LDLRAD3: variants seen among roughly 807,000 people sequenced by gnomAD.
LDLRAD3 encodes low-density lipoprotein receptor class A domain-containing protein 3.
Under a neutral mutation model 29.4 loss-of-function variants are expected in LDLRAD3, and 20 were observed. That is an observed-to-expected ratio of 0.68 (90% confidence interval 0.48 to 0.99). The LOEUF is 0.99. Among genes scored for constraint, LDLRAD3 ranks in the 50% least tolerant of loss-of-function variants. The probability of loss-of-function intolerance (pLI) is 0.00; values close to 1 mark genes in which losing one functional copy is unlikely to be tolerated. For synonymous variants in LDLRAD3, 157 were observed against 192.7 expected, an observed-to-expected ratio of 0.81 and a Z score of 1.53; for missense variants, 420 against 454.3, an observed-to-expected ratio of 0.92 and a Z score of 0.69.
chr11:35,973,292 T>G (rs1326731434), intron 1 of LDLRAD3, among the ~76,000 whole-genome samples: 1 of 152,192 alleles, frequency 6.6e-6, no homozygotes, highest in Non-Finnish European at 1.5e-5. Context: ...ATATATGCAC[T>G]ATAAATTATT....
intron 4 of LDLRAD3, among the ~76,000 whole-genome samples, chr11:36,171,661 A>G (rs903325017): frequency 1.3e-5 from 2 of 152,150 alleles, no homozygotes; most frequent in Admixed American, 1.3e-4. Context: ...TGGGTTCCCT[A>G]TTCTGTTCCA....
chr11:36,060,108 A>C (rs1169198668), intron 2 of LDLRAD3, among the ~76,000 whole-genome samples: 1 of 152,188 alleles, frequency 6.6e-6, no homozygotes, highest in African/African-American at 2.4e-5. Context: ...TAATCCCAGC[A>C]CTTTGGGAGG....
chr11:36,162,556 C>CT (rs1854458597), intron 4 of LDLRAD3, among the ~76,000 whole-genome samples: 1 of 152,196 alleles, frequency 6.6e-6, no homozygotes, highest in Non-Finnish European at 1.5e-5. Context: ...GTGCACATGA[C>CT]TGAGGGGAGG....
chr11:35,969,021 G>A lies in LDLRAD3; in HGVS notation c.46+24877G>A, dbSNP rs955667974. On this transcript the variant is annotated intron_variant, in intron 1 of 5. Transcript: ENST00000315571. Reference sequence around the variant, plus strand: ...GTGCGTACCAAGTCCCCGGCTCAGAGTCACGATTTTATACACAGGTTCCAG... The same window carrying A: ...GTGCGTACCAAGTCCCCGGCTCAGAATCACGATTTTATACACAGGTTCCAG... Among the ~76,000 whole-genome samples, 4 of 152,292 alleles carry A rather than the reference G, an allele frequency of 2.6e-5. No homozygotes were observed. In the East Asian group the frequency reaches 7.7e-4, roughly 29 times the overall value.
chr11:36,172,436 A>G (rs1340547200), intron 4 of LDLRAD3, among the ~76,000 whole-genome samples: 3 of 150,982 alleles, frequency 2.0e-5, no homozygotes. Context: ...ACTATTCCCC[A>G]TTTAGTATAA....
intron 2 of LDLRAD3, among the ~76,000 whole-genome samples, chr11:36,037,148 G>A (rs1852315029): frequency 6.6e-6 from 1 of 152,066 alleles, no homozygotes. Flanking sequence ...GTCTCACAGG[G>A]GATTGCCTTG....
At chr11:35,964,841 A>G (rs536323441) in intron 1 of LDLRAD3, among the ~76,000 whole-genome samples, 42 of 152,200 alleles carry the variant, frequency 2.8e-4, no homozygotes, top group African/African-American at 9.2e-4. Context: ...TACAAAAATT[A>G]GGTTGGACAT....
intron 5 of LDLRAD3, among the ~76,000 whole-genome samples, chr11:36,228,627 A>G (rs1464118253): frequency 6.6e-6 from 1 of 152,264 alleles, no homozygotes; most frequent in African/African-American, 2.4e-5. Flanking sequence ...AGAAGCCTTC[A>G]GTAAATGAGA....
intron 2 of LDLRAD3, among the ~76,000 whole-genome samples, chr11:36,055,701 T>A (rs1013656255): frequency 2.0e-5 from 3 of 152,214 alleles, no homozygotes; most frequent in African/African-American, 7.2e-5. Context: ...GTTAGTATAC[T>A]TTGGTGCAAA....
intron 4 of LDLRAD3, chr11:36,110,006 C>G (rs1165425887): frequency 6.6e-6 from 1 of 152,134 alleles, no homozygotes; most frequent in East Asian, 1.9e-4. Flanking sequence ...GTTTGAAAGC[C>G]CAGCTGGGCT....
intron 1 of LDLRAD3, among the ~76,000 whole-genome samples, chr11:36,011,136 C>T (rs1266775118): frequency 6.6e-6 from 1 of 152,160 alleles, no homozygotes; most frequent in Non-Finnish European, 1.5e-5. Flanking sequence ...CCATTTCTTA[C>T]TTTCTTCTGT....
chr11:36,152,982 G>T (rs948033105), intron 4 of LDLRAD3, among the ~76,000 whole-genome samples: 1 of 152,198 alleles, frequency 6.6e-6, no homozygotes, highest in Middle Eastern at 3.4e-3. Context: ...ATTGAGGCAG[G>T]GATGATTAAG....
At chr11:36,051,162 G>A (rs572885184) in intron 2 of LDLRAD3, among the ~76,000 whole-genome samples, 1 of 152,316 alleles carries the variant, frequency 6.6e-6, no homozygotes, top group African/African-American at 2.4e-5. Context: ...AGCCCTGAGG[G>A]TAAAGAAAGA....
chr11:36,105,127 T>C (rs1406737885), intron 4 of LDLRAD3, among the ~76,000 whole-genome samples: 2 of 152,020 alleles, frequency 1.3e-5, no homozygotes, highest in Non-Finnish European at 2.9e-5. Flanking sequence ...TTGAGGAGAA[T>C]TTGAAAAGCT....
intron 1 of LDLRAD3, among the ~76,000 whole-genome samples, chr11:36,020,180 T>C (rs564273890): frequency 1.8e-4 from 28 of 152,194 alleles, no homozygotes; most frequent in Non-Finnish European, 3.2e-4. Flanking sequence ...ATTACTGGTT[T>C]ACACTCAAGC....
At chr11:36,036,307 G>A in intron 2 of LDLRAD3, 58 bp downstream of exon 2, 2 of 1,604,926 alleles carry the variant, frequency 1.2e-6, no homozygotes, top group Non-Finnish European at 1.7e-6. Context: ...GCAGAGGGGA[G>A]CAGGTCCTGA....
chr11:35,970,226 A>G (rs1194866116), intron 1 of LDLRAD3, among the ~76,000 whole-genome samples: 1 of 152,212 alleles, frequency 6.6e-6, no homozygotes, highest in Admixed American at 6.5e-5. Flanking sequence ...AATGCAAACC[A>G]ATTTGCAAAT....
intron 4 of LDLRAD3, among the ~76,000 whole-genome samples, chr11:36,191,319 C>T (rs1458490472): frequency 1.3e-5 from 2 of 152,054 alleles, no homozygotes; most frequent in East Asian, 1.9e-4. Context: ...AAGAGGATCA[C>T]TTGATGCCAG....
intron 4 of LDLRAD3, among the ~76,000 whole-genome samples, chr11:36,142,835 G>C (rs1050555707): frequency 6.6e-6 from 1 of 152,150 alleles, no homozygotes; most frequent in African/African-American, 2.4e-5. Flanking sequence ...GAAAGCTCTT[G>C]ATTTTTAAAT....
Sources: gnomAD v4.1 joint callset for allele counts (sites outside exome capture counted in the v4.1 genomes callset) on GRCh38, gnomAD v4.1.1 for gene constraint, MANE v1.5 for transcripts, NCBI Gene and HGNC (gene_info 2026-07-23, HGNC 2026-07-21) for gene names.